The following STAU2 variants were observed in gnomAD, a reference collection of about 807,000 sequenced individuals.
STAU2 encodes the protein double-stranded RNA-binding protein Staufen homolog 2.
STAU2 carries 20 observed loss-of-function variants against 65.9 expected under a neutral mutation model. The ratio of observed to expected loss-of-function variants is 0.30; its 90% confidence interval spans 0.21 to 0.44. STAU2 has a LOEUF of 0.44. Among genes scored for constraint, STAU2 ranks in the 20% least tolerant of loss-of-function variants. The probability of loss-of-function intolerance (pLI) is 1.00; values close to 1 mark genes in which losing one functional copy is unlikely to be tolerated. For synonymous variants in STAU2, 232 were observed against 233.9 expected, an observed-to-expected ratio of 0.99 and a Z score of 0.07; for missense variants, 558 against 683.9, an observed-to-expected ratio of 0.82 and a Z score of 2.05.
intron 13 of STAU2, among the ~76,000 whole-genome samples, chr8:73,548,819 T>G (rs1033766288): frequency 9.2e-5 from 14 of 152,188 alleles, no homozygotes; most frequent in Non-Finnish European, 1.5e-4. Flanking sequence ...AATAGCAAAC[T>G]GAAATGAAAT....
chr8:73,443,760 ATTGT>A (rs978911238), intron 13 of STAU2, among the ~76,000 whole-genome samples: 1 of 151,604 alleles, frequency 6.6e-6, no homozygotes, highest in Non-Finnish European at 1.5e-5. Context: ...ACGTGGGAGG[ATTGT>A]TTGAGCCCAG....
chr8:73,626,648 G>A (rs1441728142), intron 6 of STAU2, among the ~76,000 whole-genome samples: 2 of 152,164 alleles, frequency 1.3e-5, no homozygotes, highest in East Asian at 3.8e-4. Flanking sequence ...AAGGATTGTG[G>A]TCATTATATC....
chr8:73,686,134 G>GC (rs1332055564), intron 5 of STAU2, among the ~76,000 whole-genome samples: 3 of 152,230 alleles, frequency 2.0e-5, no homozygotes, highest in African/African-American at 7.2e-5. Context: ...GATACAATGG[G>GC]CCGGGCGCGG....
Position 73,595,297 on chromosome 8 carries a change from C to A in STAU2, c.1030G>T (p.Val344Leu). 2 of 1,585,396 alleles carry A rather than the reference C, an allele frequency of 1.3e-6. No individual in the cohort carries two copies. Among genetic ancestry groups the A allele is most frequent in the Admixed American group, 1.9e-5 (1 of 52,878 alleles). ...GTAGCAACTTCATTGCCTACCTTCA[C>A]CTGATAAGATTAAAGAAATAAATTA... is the stretch of plus-strand genomic sequence containing the variant. The part of the protein sequence containing the change: ...MPRRREFVMQ[V>L]KVGNEVATGT... The change falls in exon 11 of 15, where the codon GTG becomes TTG. Residue 344 changes from valine (V) to leucine (L), a missense_variant and splice_region_variant. Coordinates refer to ENST00000524300, the MANE Select transcript of STAU2 (RefSeq NM_001164380.2).
intron 13 of STAU2, among the ~76,000 whole-genome samples, chr8:73,493,164 G>C (rs1821229870): frequency 6.6e-6 from 1 of 151,794 alleles, no homozygotes; most frequent in African/African-American, 2.4e-5. Context: ...GAATGTAAAA[G>C]CTGAAACTAT....
intron 13 of STAU2, among the ~76,000 whole-genome samples, chr8:73,457,903 G>A (rs934077955): frequency 2.6e-5 from 4 of 152,178 alleles, no homozygotes; most frequent in Non-Finnish European, 5.9e-5. Context: ...TGGGTCTTGT[G>A]GAGGTGAATG....
rs75653276 is a variant in STAU2, at chr8:73,557,789, T to C, written c.1223-5470A>G. On this transcript the variant is annotated intron_variant, in intron 12 of 14. Coordinates refer to ENST00000524300, the MANE Select transcript of STAU2 (RefSeq NM_001164380.2). ...AGGCTTGTAACATCCATTATATTCATTCACCCTTTATCTGAAGAGGTCCTG... is the reference window on the plus strand; with the variant it reads ...AGGCTTGTAACATCCATTATATTCACTCACCCTTTATCTGAAGAGGTCCTG... Among the ~76,000 whole-genome samples the C allele has an allele frequency of 8.7e-4, 133 of 152,318 alleles. 2 individuals carry two copies. In the East Asian group the frequency reaches 0.022, roughly 25 times the overall value.
intron 13 of STAU2, chr8:73,527,800 T>C (rs1725801369): frequency 6.5e-7 from 1 of 1,536,026 alleles, no homozygotes; most frequent in African/African-American, 1.4e-5. Flanking sequence ...ATCACAGTAG[T>C]GAACCTATAA....
chr8:73,577,737 G>A (rs1020235112), intron 12 of STAU2, among the ~76,000 whole-genome samples: 3 of 152,170 alleles, frequency 2.0e-5, no homozygotes, highest in Admixed American at 6.5e-5. Flanking sequence ...ACAGTTGGAA[G>A]TATCATTTTT....
At chr8:73,439,157 T>A (rs1367065469) in intron 13 of STAU2, 1 of 411,854 alleles carries the variant, frequency 2.4e-6, no homozygotes, top group Non-Finnish European at 4.9e-6. Flanking sequence ...AAGTGTAGCA[T>A]CTGTTAACAC....
intron 13 of STAU2, among the ~76,000 whole-genome samples, chr8:73,499,336 T>C (rs897164927): frequency 6.6e-6 from 1 of 151,878 alleles, no homozygotes; most frequent in Non-Finnish European, 1.5e-5. Flanking sequence ...AAAATGTGGC[T>C]AGTAGTGCAA....
At chr8:73,484,924 C>A (rs1023951474) in intron 13 of STAU2, among the ~76,000 whole-genome samples, 2 of 152,042 alleles carry the variant, frequency 1.3e-5, no homozygotes, top group Non-Finnish European at 2.9e-5. Context: ...TTTACCTTTT[C>A]CATACCTTAT....
At chr8:73,630,124 T>C (rs1446071843) in intron 6 of STAU2, among the ~76,000 whole-genome samples, 2 of 152,234 alleles carry the variant, frequency 1.3e-5, no homozygotes, top group Non-Finnish European at 2.9e-5. Context: ...CAATTTATAA[T>C]TTTCAGTCAT....
intron 13 of STAU2, among the ~76,000 whole-genome samples, chr8:73,462,216 A>T (rs1819397563): frequency 6.6e-6 from 1 of 151,380 alleles, no homozygotes; most frequent in Admixed American, 6.6e-5. Context: ...AGTAGCTGGG[A>T]TTACAGGTGC....
chr8:73,630,200 T>C (rs1008479287), intron 6 of STAU2, among the ~76,000 whole-genome samples: 3 of 152,266 alleles, frequency 2.0e-5, no homozygotes, highest in Non-Finnish European at 4.4e-5. Flanking sequence ...TGGATTTCAA[T>C]TACCTATGCT....
intron 4 of STAU2, among the ~76,000 whole-genome samples, chr8:73,690,117 A>G (rs1422207061): frequency 2.0e-5 from 3 of 152,016 alleles, no homozygotes. Flanking sequence ...TCACAAGGTC[A>G]GGAGATTGAG....
At chr8:73,455,477 T>C (rs1483882725) in intron 13 of STAU2, among the ~76,000 whole-genome samples, 1 of 152,110 alleles carries the variant, frequency 6.6e-6, no homozygotes, top group Non-Finnish European at 1.5e-5. Context: ...TCCCTTGACC[T>C]AGAGAGAATG....
intron 5 of STAU2, among the ~76,000 whole-genome samples, chr8:73,676,141 T>C (rs1818013635): frequency 1.3e-5 from 2 of 152,160 alleles, no homozygotes; most frequent in African/African-American, 2.4e-5. Flanking sequence ...AGATCAACCA[T>C]GCTGCAAATG....
intron 6 of STAU2, among the ~76,000 whole-genome samples, chr8:73,639,636 G>A (rs534480427): frequency 2.6e-5 from 4 of 152,206 alleles, no homozygotes; most frequent in East Asian, 3.9e-4. Context: ...TGAAAAGGAC[G>A]TGTTTAGCAC....
Sources: gnomAD v4.1 joint callset for allele counts (sites outside exome capture counted in the v4.1 genomes callset) on GRCh38, gnomAD v4.1.1 for gene constraint, MANE v1.5 for transcripts, NCBI Gene and HGNC (gene_info 2026-07-23, HGNC 2026-07-21) for gene names.